The following ARK2N variants were observed in gnomAD, a reference collection of about 807,000 sequenced individuals.
ARK2N encodes protein ARK2N.
the ARK2N span, among the ~76,000 whole-genome samples, chr18:46,191,532 T>C: frequency 2.0e-5 from 3 of 152,240 alleles, no homozygotes; most frequent in South Asian, 6.2e-4. Context: ...TCTTTTTGTA[T>C]TGATTAATAC....
the ARK2N span, among the ~76,000 whole-genome samples, chr18:46,196,655 G>A: frequency 6.6e-6 from 1 of 152,148 alleles, no homozygotes; most frequent in Non-Finnish European, 1.5e-5. Flanking sequence ...AAAATTTAGT[G>A]GGGTGATATT....
chr18:46,248,177 A>G, the ARK2N span, among the ~76,000 whole-genome samples: 3 of 152,214 alleles, frequency 2.0e-5, no homozygotes, highest in Non-Finnish European at 4.4e-5. Flanking sequence ...GTGTTGGTAC[A>G]TGAGGATGGA....
At chr18:46,252,981 A>G in the ARK2N span, among the ~76,000 whole-genome samples, 1 of 152,190 alleles carries the variant, frequency 6.6e-6, no homozygotes, top group Admixed American at 6.5e-5. Flanking sequence ...CAGTGCCACA[A>G]ACTGTTATGT....
the ARK2N span, chr18:46,215,921 T>C: frequency 6.2e-6 from 10 of 1,614,040 alleles, no homozygotes; most frequent in African/African-American, 1.3e-5. Flanking sequence ...GAAGAACTCA[T>C]TGAGTCCGAA....
chr18:46,234,189 T>C, the ARK2N span, among the ~76,000 whole-genome samples: 1 of 152,194 alleles, frequency 6.6e-6, no homozygotes, highest in African/African-American at 2.4e-5. Flanking sequence ...TTGGTATTTT[T>C]ATTACTATTT....
the ARK2N span, among the ~76,000 whole-genome samples, chr18:46,244,646 G>A: frequency 1.5e-5 from 2 of 129,698 alleles, no homozygotes; most frequent in African/African-American, 5.8e-5. Context: ...CAGTCACCCA[G>A]GCTGGAGTAC....
the ARK2N span, among the ~76,000 whole-genome samples, chr18:46,224,817 A>G: frequency 1.3e-5 from 2 of 152,348 alleles, no homozygotes; most frequent in Admixed American, 6.5e-5. Flanking sequence ...TGCTGGATCT[A>G]TCAGGCTCTT....
At chr18:46,233,091 ATTATTT>A in the ARK2N span, among the ~76,000 whole-genome samples, 1 of 152,168 alleles carries the variant, frequency 6.6e-6, no homozygotes, top group African/African-American at 2.4e-5. Flanking sequence ...TATTTGGCAG[ATTATTT>A]TTAGTTTTTT....
chr18:46,253,805 G>A, the ARK2N span: 1 of 1,611,682 alleles, frequency 6.2e-7, no homozygotes, highest in Non-Finnish European at 8.5e-7. Context: ...GAGATTGTGG[G>A]AGTTCAGGAA....
chr18:46,200,078 G>A, the ARK2N span, among the ~76,000 whole-genome samples: 1 of 150,764 alleles, frequency 6.6e-6, no homozygotes, highest in African/African-American at 2.5e-5. Flanking sequence ...GTGTGTGTGT[G>A]TGTGTGTGTG....
chr18:46,207,358 A>G, the ARK2N span, among the ~76,000 whole-genome samples: 1 of 150,758 alleles, frequency 6.6e-6, no homozygotes, highest in Non-Finnish European at 1.5e-5. Flanking sequence ...AAGTTGCTCT[A>G]AGTTTCTCAG....
chr18:46,183,467 A>G, the ARK2N span, among the ~76,000 whole-genome samples: 1 of 152,144 alleles, frequency 6.6e-6, no homozygotes, highest in Admixed American at 6.6e-5. Flanking sequence ...GGTGCATAAT[A>G]TTTGGTTCCC....
chr18:46,198,867 G>T, the ARK2N span, among the ~76,000 whole-genome samples: 1 of 152,172 alleles, frequency 6.6e-6, no homozygotes, highest in Non-Finnish European at 1.5e-5. Flanking sequence ...AAAGTGCTGG[G>T]ATTACGGATG....
the ARK2N span, among the ~76,000 whole-genome samples, chr18:46,238,720 T>C: frequency 6.6e-6 from 1 of 152,238 alleles, no homozygotes. Context: ...AAAATATTAC[T>C]ACATAAACCT....
chr18:46,237,731 G>A, the ARK2N span, among the ~76,000 whole-genome samples: 2 of 152,138 alleles, frequency 1.3e-5, no homozygotes, highest in Non-Finnish European at 2.9e-5. Flanking sequence ...GTTTCCTAAT[G>A]ATAGTGTAAA....
chr18:46,228,439 A>G, the ARK2N span, among the ~76,000 whole-genome samples: 3 of 152,224 alleles, frequency 2.0e-5, no homozygotes, highest in African/African-American at 7.2e-5. Flanking sequence ...TCTTTTAAGA[A>G]TAACATAGAC....
the ARK2N span, among the ~76,000 whole-genome samples, chr18:46,198,264 GC>G: frequency 0.019 from 2,350 of 126,672 alleles, 57 homozygotes; most frequent in African/African-American, 0.067. Context: ...AGCCGAGATC[GC>G]CCCCACTGCA....
the ARK2N span, among the ~76,000 whole-genome samples, chr18:46,183,530 T>C: frequency 6.6e-6 from 1 of 152,204 alleles, no homozygotes; most frequent in African/African-American, 2.4e-5. Context: ...AATTTGTTAC[T>C]CATAATTCCT....
the ARK2N span, among the ~76,000 whole-genome samples, chr18:46,210,722 C>T: frequency 6.6e-6 from 1 of 152,122 alleles, no homozygotes; most frequent in African/African-American, 2.4e-5. Context: ...CCAGCCTGGG[C>T]AACATGGTGA....
Sources: gnomAD v4.1 joint callset for allele counts (sites outside exome capture counted in the v4.1 genomes callset) on GRCh38, gnomAD v4.1.1 for gene constraint, MANE v1.5 for transcripts, NCBI Gene and HGNC (gene_info 2026-07-23, HGNC 2026-07-21) for gene names.